The following CPM variants were observed in gnomAD, a reference collection of about 807,000 sequenced individuals.
The protein encoded by CPM is carboxypeptidase M, also known as renal carboxypeptidase.
A neutral mutation model predicts 46.4 loss-of-function variants in CPM; 35 were observed. The observed-to-expected ratio is 0.75, with a 90% CI of 0.58 to 1.00. The LOEUF (loss-of-function observed/expected upper bound fraction) is 1.00, where lower values mean the gene tolerates loss of function less well. Among genes scored for constraint, CPM ranks in the 50% least tolerant of loss-of-function variants. The pLI, the probability that CPM is intolerant of heterozygous loss-of-function variation, is 0.00. For missense variants in CPM, 422 were observed against 530.4 expected, an observed-to-expected ratio of 0.80 and a Z score of 2.01; for synonymous variants, 195 against 195.3, an observed-to-expected ratio of 1.00 and a Z score of 0.01.
At chr12:68,876,734 G>A (rs1885967372) in intron 3 of CPM, among the ~76,000 whole-genome samples, 1 of 152,144 alleles carries the variant, frequency 6.6e-6, no homozygotes, top group Non-Finnish European at 1.5e-5. Flanking sequence ...TCTATCAGCT[G>A]CAGTTCAATT....
chr12:68,886,855 A>G (rs2701089), intron 2 of CPM, among the ~76,000 whole-genome samples: 34,912 of 152,106 alleles, frequency 0.23, 4,765 homozygotes, highest in African/African-American at 0.39. Context: ...GGGCAGAGAC[A>G]AAAGCTCACT....
At chr12:68,892,792 G>A (rs2136265323) in intron 2 of CPM, among the ~76,000 whole-genome samples, 1 of 152,182 alleles carries the variant, frequency 6.6e-6, no homozygotes, top group South Asian at 2.1e-4. Flanking sequence ...CCAGGAGGCG[G>A]AGGTTGCACC....
At chr12:68,892,800 A>G (rs187000020) in intron 2 of CPM, among the ~76,000 whole-genome samples, 131 of 152,232 alleles carry the variant, frequency 8.6e-4, no homozygotes, top group African/African-American at 3.0e-3. Context: ...CGGAGGTTGC[A>G]CCATTGCACT....
intron 2 of CPM, among the ~76,000 whole-genome samples, chr12:68,909,328 T>C (rs1887482728): frequency 6.6e-6 from 1 of 152,200 alleles, no homozygotes; most frequent in African/African-American, 2.4e-5. Flanking sequence ...TCTGGAACTG[T>C]AGGTGTGTAC....
At chr12:68,944,568 T>C (rs1044142341) in intron 1 of CPM, among the ~76,000 whole-genome samples, 3 of 152,088 alleles carry the variant, frequency 2.0e-5, no homozygotes, top group Admixed American at 1.3e-4. Context: ...AACACCCAGA[T>C]AATTTATTTT....
At chr12:68,883,886 G>A (rs1886312445) in intron 3 of CPM, among the ~76,000 whole-genome samples, 1 of 150,810 alleles carries the variant, frequency 6.6e-6, no homozygotes, top group South Asian at 2.1e-4. Flanking sequence ...CCTGAGGTCA[G>A]GGGTTCGAGA....
At chr12:68,908,935 T>C (rs1887464449) in intron 2 of CPM, among the ~76,000 whole-genome samples, 1 of 152,116 alleles carries the variant, frequency 6.6e-6, no homozygotes, top group Non-Finnish European at 1.5e-5. Context: ...AAATGACCAA[T>C]AGAGTTTAAC....
chr12:68,871,311 G>T (rs530815830), intron 4 of CPM, among the ~76,000 whole-genome samples: 1 of 152,176 alleles, frequency 6.6e-6, no homozygotes, highest in Non-Finnish European at 1.5e-5. Flanking sequence ...GCAGTGTAGT[G>T]GGGGGAGAGA....
intron 2 of CPM, among the ~76,000 whole-genome samples, chr12:68,904,283 A>G (rs1467942845): frequency 6.6e-6 from 1 of 152,202 alleles, no homozygotes; most frequent in African/African-American, 2.4e-5. Flanking sequence ...GACACTCTTG[A>G]CTATAACAGA....
intron 1 of CPM, among the ~76,000 whole-genome samples, chr12:68,941,170 C>CGTGTGTGTGTGTGTGT (rs370705580): frequency 2.4e-4 from 34 of 140,598 alleles, no homozygotes; most frequent in Middle Eastern, 3.6e-3. Flanking sequence ...GTGCTGAGTA[C>CGTGTGTGTGTGTGTGT]GTGTGTGTGT....
At chr12:68,913,671 C>G (rs1887690612) in intron 2 of CPM, 1 of 336,686 alleles carries the variant, frequency 3.0e-6, no homozygotes. Context: ...CATTCACCTG[C>G]AGAGGGCACA....
At chr12:68,932,371 G>A (rs939560096) in intron 2 of CPM, among the ~76,000 whole-genome samples, 2 of 152,188 alleles carry the variant, frequency 1.3e-5, no homozygotes, top group African/African-American at 4.8e-5. Context: ...AGTTTATCTT[G>A]AAAAGGAACT....
At position 68,856,612 on chromosome 12, in the gene CPM, C is replaced by T. The variant is rs1185236277; in HGVS notation, c.1157G>A (p.Ser386Asn). ...AAGTAGAATATCCTTTTTAAGAGCA[C>T]TGAAGTTCTGGGATTTCTCCGGAAT... The part of the protein sequence containing the change: ...VIIPEKSQNF[S>N]ALKKDILLPF... Residue 386 changes from serine to asparagine, a missense_variant, in exon 9 of 9, where the codon AGT becomes AAT. Coordinates refer to ENST00000551568, the MANE Select transcript of CPM (RefSeq NM_198320.5). The T allele has an allele frequency of 6.2e-7, 1 of 1,614,182 alleles. No individual in the cohort carries two copies. Among genetic ancestry groups the T allele is most frequent in the East Asian group, 2.2e-5 (1 of 44,890 alleles).
At chr12:68,893,340 T>C (rs117762212) in intron 2 of CPM, among the ~76,000 whole-genome samples, 448 of 152,298 alleles carry the variant, frequency 2.9e-3, no homozygotes, top group Middle Eastern at 6.8e-3. Context: ...AGTCTGTTTC[T>C]GAACTCGCAA....
chr12:68,915,671 C>T (rs1394832970), intron 2 of CPM, among the ~76,000 whole-genome samples: 2 of 152,152 alleles, frequency 1.3e-5, no homozygotes, highest in Non-Finnish European at 2.9e-5. Context: ...GGCCCACTGC[C>T]CTAGTTCATA....
At chr12:68,938,144 C>T (rs1276485387), upstream of CPM, among the ~76,000 whole-genome samples, 1 of 152,158 alleles carries the variant, frequency 6.6e-6, no homozygotes, top group East Asian at 1.9e-4. Flanking sequence ...TATAACTAGA[C>T]TTTGTGACTT....
intron 1 of CPM, among the ~76,000 whole-genome samples, chr12:68,948,993 T>A (rs1243536023): frequency 1.3e-5 from 2 of 152,202 alleles, no homozygotes; most frequent in Non-Finnish European, 2.9e-5. Flanking sequence ...AATGGTAAGC[T>A]CCCGGAGGAC....
At chr12:68,918,601 C>A (rs933248722) in intron 2 of CPM, among the ~76,000 whole-genome samples, 8 of 151,916 alleles carry the variant, frequency 5.3e-5, no homozygotes, top group African/African-American at 1.9e-4. Flanking sequence ...CTCCTCCAAT[C>A]CAATCCAATC....
At chr12:68,915,591 C>T (rs1394776313) in intron 2 of CPM, among the ~76,000 whole-genome samples, 1 of 152,212 alleles carries the variant, frequency 6.6e-6, no homozygotes, top group South Asian at 2.1e-4. Context: ...AGCATCCCTA[C>T]ACTGCACTGT....
Sources: gnomAD v4.1 joint callset for allele counts (sites outside exome capture counted in the v4.1 genomes callset) on GRCh38, gnomAD v4.1.1 for gene constraint, MANE v1.5 for transcripts, NCBI Gene and HGNC (gene_info 2026-07-23, HGNC 2026-07-21) for gene names.